Variants in TAF1B observed in about 807,000 individuals in gnomAD.
TAF1B encodes the protein TATA box-binding protein-associated factor RNA polymerase I subunit B.
A neutral mutation model predicts 83.9 loss-of-function variants in TAF1B; 61 were observed. That is an observed-to-expected ratio of 0.73 (90% CI 0.59 to 0.90). The LOEUF is 0.90. TAF1B is among the 40% of genes least tolerant of loss of function. The probability of loss-of-function intolerance (pLI) is 0.00; values close to 1 mark genes in which losing one functional copy is unlikely to be tolerated. For synonymous variants in TAF1B, 221 were observed against 224.6 expected, an observed-to-expected ratio of 0.98 and a Z score of 0.14; for missense variants, 625 against 677.0, an observed-to-expected ratio of 0.92 and a Z score of 0.85.
chr2:9,925,702 G>A (rs182270481), intron 14 of TAF1B, among the ~76,000 whole-genome samples: 3 of 151,528 alleles, frequency 2.0e-5, no homozygotes, highest in East Asian at 2.0e-4. Flanking sequence ...TCAGCCTCCC[G>A]AGTGGCTGCT....
chr2:9,894,120 T>C (rs971083484), intron 8 of TAF1B, among the ~76,000 whole-genome samples: 6 of 152,196 alleles, frequency 3.9e-5, no homozygotes, highest in African/African-American at 1.4e-4. Context: ...ATTTAATGCT[T>C]CTATTTTATT....
chr2:9,875,111 AC>A (rs1203561073), intron 6 of TAF1B, among the ~76,000 whole-genome samples: 1 of 151,956 alleles, frequency 6.6e-6, no homozygotes, highest in Admixed American at 6.6e-5. Context: ...ACAGGCGTCC[AC>A]CACTACACCC....
At position 9,914,813 on chromosome 2, in the gene TAF1B, G is replaced by C. The variant is rs1340047367; in HGVS notation, c.1271+1564G>C. 6.6e-6 allele frequency among the ~76,000 whole-genome samples: 1 copy of C among 152,142 alleles called. No individual in the cohort carries two copies. The highest frequency in any genetic ancestry group is 2.4e-5 in the African/African-American group (1 of 41,432). Reference sequence around the variant, plus strand: ...GAGGGCTGACACACACGTGCAGTGTGAGTCACTGCTGAGTAATATGCGAAG... The same window carrying C: ...GAGGGCTGACACACACGTGCAGTGTCAGTCACTGCTGAGTAATATGCGAAG... On this transcript the variant is annotated intron_variant, in intron 12 of 14. Transcript: ENST00000263663. The surrounding 1 kb of genome is among the most constrained non-coding windows in gnomAD (Gnocchi z 4.3).
intron 8 of TAF1B, among the ~76,000 whole-genome samples, chr2:9,902,736 G>A (rs1213196232): frequency 6.6e-6 from 1 of 152,158 alleles, no homozygotes; most frequent in Non-Finnish European, 1.5e-5. Context: ...GCATGCATAC[G>A]CATTTCTGCT....
chr2:9,844,294 C>T (rs1296249806), intron 1 of TAF1B: 1 of 151,988 alleles, frequency 6.6e-6, no homozygotes, highest in Admixed American at 6.6e-5. Context: ...GGGCTACAGA[C>T]ATGCACCACC....
At chr2:9,859,288 A>G (rs1033126920) in intron 5 of TAF1B, among the ~76,000 whole-genome samples, 1 of 152,164 alleles carries the variant, frequency 6.6e-6, no homozygotes. Context: ...CTTTGCTGAA[A>G]CATAGCAAGA....
intron 8 of TAF1B, among the ~76,000 whole-genome samples, chr2:9,893,619 G>T (rs1285513135): frequency 6.6e-6 from 1 of 152,094 alleles, no homozygotes; most frequent in Non-Finnish European, 1.5e-5. Flanking sequence ...GCCTTGGGAG[G>T]TCGAGGCTGC....
chr2:9,911,500 G>T lies in TAF1B; in HGVS notation c.1134-11G>T. 6.6e-7 allele frequency: 1 copy of T among 1,506,492 alleles called. No homozygotes were observed. Among genetic ancestry groups the T allele is most frequent in the Non-Finnish European group, 8.9e-7 (1 of 1,119,970 alleles). 93.3% of individuals were successfully genotyped at this position (1,506,492 alleles called of 1,614,324 possible). ...TTCTAAATAAATTGATTTGTTTATT[G>T]TTATCTCCAGGTCTTTGTCTAATCT... On this transcript the variant is annotated splice_polypyrimidine_tract_variant and intron_variant, in intron 10 of 14. Transcript: ENST00000263663.
At chr2:9,923,453 C>T (rs2125181972) in intron 14 of TAF1B, among the ~76,000 whole-genome samples, 1 of 152,104 alleles carries the variant, frequency 6.6e-6, no homozygotes, top group Non-Finnish European at 1.5e-5. Flanking sequence ...CCAAGGCGGG[C>T]AGATCACCTG....
chr2:9,861,438 A>G (rs1432633943), intron 5 of TAF1B, among the ~76,000 whole-genome samples: 2 of 152,224 alleles, frequency 1.3e-5, no homozygotes, highest in African/African-American at 4.8e-5. Flanking sequence ...TAGGTAAACA[A>G]AGCTGCTGGG....
intron 12 of TAF1B, among the ~76,000 whole-genome samples, chr2:9,915,073 C>T (rs576660443): frequency 8.1e-4 from 124 of 152,238 alleles, no homozygotes; most frequent in African/African-American, 2.7e-3. Context: ...CCTAAAACAG[C>T]GTAAGAGGCT....
At chr2:9,847,072 ATT>A (rs1663228141) in intron 2 of TAF1B, among the ~76,000 whole-genome samples, 1 of 152,164 alleles carries the variant, frequency 6.6e-6, no homozygotes, top group South Asian at 2.1e-4. Context: ...TTGCTTTTCT[ATT>A]TTTGATTTTG....
chr2:9,862,204 T>A (rs1224038428), intron 5 of TAF1B, among the ~76,000 whole-genome samples: 2 of 151,574 alleles, frequency 1.3e-5, no homozygotes, highest in African/African-American at 2.4e-5. Flanking sequence ...GAAAAAAAAA[T>A]TAGACAATTG....
intron 5 of TAF1B, among the ~76,000 whole-genome samples, chr2:9,864,063 C>G (rs1464853393): frequency 6.6e-6 from 1 of 152,054 alleles, no homozygotes; most frequent in East Asian, 1.9e-4. Context: ...CAAACACATT[C>G]AAAAGCTAGC....
intron 4 of TAF1B, among the ~76,000 whole-genome samples, chr2:9,852,691 C>T (rs996435576): frequency 6.6e-6 from 1 of 152,154 alleles, no homozygotes; most frequent in Non-Finnish European, 1.5e-5. Context: ...GGGGTTTCAC[C>T]ATGTTGCTCA....
At chr2:9,862,976 G>A (rs1341478151) in intron 5 of TAF1B, among the ~76,000 whole-genome samples, 1 of 152,180 alleles carries the variant, frequency 6.6e-6, no homozygotes, top group African/African-American at 2.4e-5. Flanking sequence ...ACCGGTACCA[G>A]CCACTGCAAA....
intron 1 of TAF1B, 143 bp from the exon 2 acceptor site, chr2:9,845,077 A>T (rs1663160292): frequency 6.1e-6 from 3 of 493,372 alleles, no homozygotes; most frequent in Non-Finnish European, 1.1e-5. Flanking sequence ...GTTTGCGGAT[A>T]ATCTCTCTGA....
In TAF1B at chr2:9,845,300, T is replaced by A. The variant is rs1663168581; in HGVS notation, c.99T>A (p.Ser33=). 6.2e-7 allele frequency: 1 copy of A among 1,613,660 alleles called. No homozygotes were observed. Among genetic ancestry groups the A allele is most frequent in the East Asian group, 2.2e-5 (1 of 44,856 alleles). ...ATGAAGGCAAATATTATTGCACTTC[T>A]TGCCACAATGTTACAGAGGTAAGTA... The part of the protein sequence containing the change: ...LTDEGKYYCT[S]CHNVTERYQE... Residue 33 remains serine (S), a synonymous_variant, in exon 2 of 15, where the codon TCT becomes TCA. Coordinates refer to ENST00000263663, the MANE Select transcript of TAF1B (RefSeq NM_005680.3).
At chr2:9,885,526 A>C (rs1664647570) in intron 8 of TAF1B, among the ~76,000 whole-genome samples, 1 of 152,232 alleles carries the variant, frequency 6.6e-6, no homozygotes, top group Non-Finnish European at 1.5e-5. Context: ...CCCTTAGAAC[A>C]ACTTGAGTGG....
Sources: allele counts gnomAD v4.1 joint callset (sites outside exome capture counted in the v4.1 genomes callset), GRCh38; gene constraint gnomAD v4.1.1; non-coding constraint Gnocchi (gnomAD v3.1); transcripts MANE v1.5; gene names NCBI Gene and HGNC (gene_info 2026-07-23, HGNC 2026-07-21).